MCTP1: variants seen among roughly 807,000 people sequenced by gnomAD.
MCTP1 encodes the protein multiple C2 and transmembrane domain-containing protein 1.
MCTP1 carries 69 observed loss-of-function variants against 120.6 expected under a neutral mutation model. The ratio of observed to expected loss-of-function variants is 0.57; its 90% confidence interval spans 0.47 to 0.70. The LOEUF is 0.70. Ranked by LOEUF, MCTP1 falls within the 30% of genes least tolerant of loss-of-function variation. MCTP1 has a pLI of 0.00. For missense variants in MCTP1, 1,203 were observed against 1,248.8 expected, an observed-to-expected ratio of 0.96 and a Z score of 0.55; for synonymous variants, 529 against 493.1, an observed-to-expected ratio of 1.07 and a Z score of -0.96.
chr5:95,066,122 A>G (rs535434002), intron 1 of MCTP1, among the ~76,000 whole-genome samples: 4 of 152,346 alleles, frequency 2.6e-5, no homozygotes, highest in Non-Finnish European at 5.9e-5. Context: ...AGGGATTAAT[A>G]TCCAGAATGT....
intron 19 of MCTP1, among the ~76,000 whole-genome samples, chr5:94,749,842 G>A (rs1424097540): frequency 1.3e-5 from 2 of 152,038 alleles, no homozygotes; most frequent in African/African-American, 4.8e-5. Flanking sequence ...ATGCTGTAAG[G>A]TAAGCACTGT....
chr5:95,212,261 A>G (rs1752473674), intron 1 of MCTP1, among the ~76,000 whole-genome samples: 1 of 152,216 alleles, frequency 6.6e-6, no homozygotes, highest in African/African-American at 2.4e-5. Context: ...AAACTAGAAA[A>G]TCTAGAATGG....
At chr5:94,961,294 G>C (rs1384310650) in intron 2 of MCTP1, among the ~76,000 whole-genome samples, 1 of 151,810 alleles carries the variant, frequency 6.6e-6, no homozygotes, top group Non-Finnish European at 1.5e-5. Context: ...CAAGGGGAGG[G>C]ATAGCATTAG....
intron 1 of MCTP1, among the ~76,000 whole-genome samples, chr5:95,169,320 G>A (rs1746892323): frequency 6.6e-6 from 1 of 152,126 alleles, no homozygotes; most frequent in Admixed American, 6.5e-5. Flanking sequence ...GAGGATTTTT[G>A]CATCAATGTT....
At chr5:94,769,410 T>C (rs142206518) in intron 19 of MCTP1, among the ~76,000 whole-genome samples, 35 of 152,310 alleles carry the variant, frequency 2.3e-4, no homozygotes, top group Middle Eastern at 3.4e-3. Flanking sequence ...TTTAAGATGA[T>C]ATATATCTCA....
At chr5:95,129,742 C>T (rs1287455897) in intron 1 of MCTP1, among the ~76,000 whole-genome samples, 1 of 152,102 alleles carries the variant, frequency 6.6e-6, no homozygotes, top group African/African-American at 2.4e-5. Flanking sequence ...TCACTGCAAC[C>T]TCCGCCTTCT....
chr5:95,149,661 C>T (rs1213995787), intron 1 of MCTP1, among the ~76,000 whole-genome samples: 1 of 152,204 alleles, frequency 6.6e-6, no homozygotes, highest in African/African-American at 2.4e-5. Flanking sequence ...TACAGTCTGA[C>T]TGCTCCCCAG....
intron 1 of MCTP1, among the ~76,000 whole-genome samples, chr5:95,164,156 T>C (rs76968861): frequency 0.012 from 1,758 of 152,246 alleles, 30 homozygotes; most frequent in African/African-American, 0.039. Flanking sequence ...TCTTTGAAAA[T>C]AGATTGAGGT....
At chr5:95,268,238 C>T (rs1759064331) in intron 1 of MCTP1, among the ~76,000 whole-genome samples, 2 of 152,204 alleles carry the variant, frequency 1.3e-5, no homozygotes, top group Non-Finnish European at 2.9e-5. Flanking sequence ...TAACAAGATA[C>T]TATGTCTACC....
At chr5:94,848,209 A>G (rs1271774177) in intron 17 of MCTP1, among the ~76,000 whole-genome samples, 1 of 152,240 alleles carries the variant, frequency 6.6e-6, no homozygotes, top group Non-Finnish European at 1.5e-5. Context: ...ATTGAGTTTT[A>G]TCACCAGAAT....
At chr5:94,913,148 A>C (rs1299360344) in intron 8 of MCTP1, among the ~76,000 whole-genome samples, 172 bp from the exon 9 acceptor site, 1 of 152,026 alleles carries the variant, frequency 6.6e-6, no homozygotes, top group African/African-American at 2.4e-5. Context: ...TTAATAAATT[A>C]TGAAATTATC....
At chr5:95,025,580 A>G (rs1581903157) in intron 1 of MCTP1, among the ~76,000 whole-genome samples, 1 of 152,346 alleles carries the variant, frequency 6.6e-6, no homozygotes, top group Admixed American at 6.5e-5. Flanking sequence ...ATGGAAGAGT[A>G]GTTAATAACA....
intron 2 of MCTP1, among the ~76,000 whole-genome samples, chr5:94,981,128 A>G (rs1829312525): frequency 6.6e-6 from 1 of 152,194 alleles, no homozygotes; most frequent in Admixed American, 6.5e-5. Flanking sequence ...CAGATATAGT[A>G]TAGTGGTAGG....
At chr5:94,933,577 T>A (rs929033039) in intron 5 of MCTP1, among the ~76,000 whole-genome samples, 1 of 151,782 alleles carries the variant, frequency 6.6e-6, no homozygotes, top group African/African-American at 2.4e-5. Flanking sequence ...ATATTTTGAG[T>A]CAAATCAATC....
intron 2 of MCTP1, among the ~76,000 whole-genome samples, chr5:94,957,600 A>T (rs1221454732): frequency 6.6e-6 from 1 of 152,030 alleles, no homozygotes; most frequent in Non-Finnish European, 1.5e-5. Context: ...AAAAAAGAAA[A>T]AGCAGGGGTT....
Position 95,254,922 on chromosome 5 carries a change from G to A in MCTP1, c.720+28934C>T, listed in dbSNP as rs56216085. 3.2e-3 allele frequency among the ~76,000 whole-genome samples: 480 copies of A among 152,224 alleles called. 1 individual carries two copies. The highest frequency in any genetic ancestry group is 4.9e-3 in the Non-Finnish European group (336 of 68,016). Reference sequence around the variant, plus strand: ...AAATTGTGGGATACAACCCATTAGTGAGTCATGAAATCAATAAAATGAGTC... The same window carrying A: ...AAATTGTGGGATACAACCCATTAGTAAGTCATGAAATCAATAAAATGAGTC... On this transcript the variant is annotated intron_variant, in intron 1 of 22. Coordinates refer to ENST00000515393, the MANE Select transcript of MCTP1 (RefSeq NM_024717.7).
At chr5:94,864,569 G>A (rs1217093067) in intron 17 of MCTP1, among the ~76,000 whole-genome samples, 1 of 151,784 alleles carries the variant, frequency 6.6e-6, no homozygotes, top group Non-Finnish European at 1.5e-5. Context: ...CTAGCGCTCC[G>A]TTCCCCAAGG....
intron 1 of MCTP1, among the ~76,000 whole-genome samples, chr5:95,106,666 G>A (rs1757111407): frequency 6.6e-6 from 1 of 152,188 alleles, no homozygotes; most frequent in Non-Finnish European, 1.5e-5. Flanking sequence ...TGAGGGCCAG[G>A]CACTGCACTA....
chr5:94,932,499 A>T (rs1815021610), intron 5 of MCTP1, among the ~76,000 whole-genome samples: 1 of 152,028 alleles, frequency 6.6e-6, no homozygotes, highest in Non-Finnish European at 1.5e-5. Context: ...GATGGCTACT[A>T]GTGTATTTTC....
Sources: gnomAD v4.1 joint callset for allele counts (sites outside exome capture counted in the v4.1 genomes callset) on GRCh38, gnomAD v4.1.1 for gene constraint, MANE v1.5 for transcripts, NCBI Gene and HGNC (gene_info 2026-07-23, HGNC 2026-07-21) for gene names.